ITGA11: variants seen among roughly 807,000 people sequenced by gnomAD.
ITGA11 encodes integrin alpha-11.
A neutral mutation model predicts 141.9 loss-of-function variants in ITGA11; 97 were observed. The ratio of observed to expected loss-of-function variants is 0.68; its 90% CI spans 0.58 to 0.81. The LOEUF (loss-of-function observed/expected upper bound fraction) is 0.81, where lower values mean the gene tolerates loss of function less well. ITGA11 is among the 30% of genes least tolerant of loss of function. The probability of loss-of-function intolerance (pLI) is 0.00; values close to 1 mark genes in which losing one functional copy is unlikely to be tolerated. For missense variants in ITGA11, 1,387 were observed against 1,559.2 expected, an observed-to-expected ratio of 0.89 and a Z score of 1.86; for synonymous variants, 658 against 624.6, an observed-to-expected ratio of 1.05 and a Z score of -0.80.
rs556127046 is a variant in ITGA11 at position 68,351,431 on chromosome 15, T to C, written c.750-29A>G. 9.3e-6 allele frequency: 15 copies of C among 1,611,296 alleles called. No homozygotes were observed. In the East Asian group the frequency reaches 2.9e-4, roughly 31 times the overall value. On this transcript the variant is annotated intron_variant, in intron 7 of 29. Transcript: ENST00000315757. ...GAAGCCAAGCACAGGGGCAGGGTCA[T>C]GAAAGGTAAGTGGGATTGGGGCAGC...
Position 68,344,890 on chromosome 15 carries a change from G to T in ITGA11, c.1131+3940C>A, listed in dbSNP as rs185783386. On this transcript the variant is annotated intron_variant, in intron 10 of 29. Coordinates refer to ENST00000315757, the MANE Select transcript of ITGA11 (RefSeq NM_001004439.2). ...CTGCTTCCTTCTGTAAACTTTTGGA[G>T]TTAGGGCAGATTTAGGATTCCAGTG... Among the ~76,000 whole-genome samples, 32 of 152,262 alleles carry T rather than the reference G, an allele frequency of 2.1e-4. No individual in the cohort carries two copies. In the South Asian group the frequency reaches 3.1e-3, roughly 15 times the overall value.
chr15:68,307,665 T>C lies in ITGA11; in HGVS notation c.3206A>G (p.Asn1069Ser), dbSNP rs760321698. The change falls in exon 27 of 30, where the codon AAC becomes AGC. Residue 1069 changes from asparagine to serine, a missense_variant. Physicochemically the swap from Asn to Ser is conservative, Grantham distance 46. Coordinates refer to ENST00000315757, the MANE Select transcript of ITGA11 (RefSeq NM_001004439.2). This position sits in a 1 kb window ranked among gnomAD's most constrained non-coding sequence, Gnocchi z 6.1. The part of the protein sequence containing the change: ...NHSNSDVVSI[N>S]CNIRLVPNQE... ...GTTGGGGACCAGCCGTATATTGCAG[T>C]TGATGGAGACGACATCAGAGTTGCT... The C allele has an allele frequency of 2.0e-5, 32 of 1,613,720 alleles. No homozygotes were observed. The East Asian group carries it at 6.2e-4, about 31-fold the overall frequency.
In ITGA11 at chr15:68,335,603, C is replaced by T. The variant is rs1462434671; in HGVS notation, c.1425+94G>A. On this transcript the variant is annotated intron_variant, in intron 12 of 29. Transcript: ENST00000315757. The surrounding 1 kb of genome is among the most constrained non-coding windows in gnomAD (Gnocchi z 4.9). ...GAACATGACTGCCCTTTGGGGCACC[C>T]AGTGGTCCAGGCATGCCTGTATTTA... The T allele has an allele frequency of 5.7e-6, 8 of 1,413,106 alleles. No homozygotes were observed. Among genetic ancestry groups the T allele is most frequent in the African/African-American group, 1.4e-5 (1 of 70,628 alleles). 87.5% of individuals were successfully genotyped at this position (1,413,106 alleles called of 1,614,324 possible). A position where few individuals can be genotyped will look rare whatever the true frequency, so the allele number is the denominator to read the frequency against.
chr15:68,341,477 G>C (rs2140317346), intron 10 of ITGA11, among the ~76,000 whole-genome samples: 1 of 152,364 alleles, frequency 6.6e-6, no homozygotes, highest in Admixed American at 6.5e-5. Context: ...AGGGGGAAGG[G>C]ACTTGCCCAA....
chr15:68,332,410 C>A lies in ITGA11; in HGVS notation c.1494G>T (p.Leu498=). The part of the protein sequence containing the change: ...DIDGDGVTDV[L]LVGAPMYFNE... ...TGAAGTACATGGGTGCGCCCACCAG[C>A]AGGACATCAGTCACGCCGTCGCCGT... is the stretch of plus-strand genomic sequence containing the variant. The change falls in exon 13 of 30, where the codon CTG becomes CTT. Residue 498 remains leucine, a synonymous_variant. Coordinates refer to ENST00000315757, the MANE Select transcript of ITGA11 (RefSeq NM_001004439.2). 1.2e-6 allele frequency: 2 copies of A among 1,611,064 alleles called. No homozygotes were observed. The highest frequency in any genetic ancestry group is 1.7e-6 in the Non-Finnish European group (2 of 1,178,802).
intron 2 of ITGA11, among the ~76,000 whole-genome samples, chr15:68,378,472 C>T (rs1895781305): frequency 6.6e-6 from 1 of 151,906 alleles, no homozygotes; most frequent in African/African-American, 2.4e-5. Context: ...TAGCAAGACC[C>T]CATCTATAAA....
chr15:68,372,010 C>T (rs1246649804), intron 2 of ITGA11, among the ~76,000 whole-genome samples: 1 of 152,126 alleles, frequency 6.6e-6, no homozygotes, highest in Non-Finnish European at 1.5e-5. Context: ...CTTACTGTCG[C>T]CATAATATAG....
rs1428506796 is a variant in ITGA11, at chr15:68,321,929, A to G, written c.2323-426T>C. Among the ~76,000 whole-genome samples the G allele has an allele frequency of 6.6e-6, 1 of 152,212 alleles. No individual in the cohort carries two copies. Among genetic ancestry groups the G allele is most frequent in the Non-Finnish European group, 1.5e-5 (1 of 68,038 alleles). ...AAATGTGCAAAAAAACCGAAAAGAAATGTGCATGAGGAATAGAAGAGGCAG... is the reference window on the plus strand; with the variant it reads ...AAATGTGCAAAAAAACCGAAAAGAAGTGTGCATGAGGAATAGAAGAGGCAG... On this transcript the variant is annotated intron_variant, in intron 18 of 29. Transcript: ENST00000315757. This position sits in a 1 kb window ranked among gnomAD's most constrained non-coding sequence, Gnocchi z 4.9.
rs1215758482 is a variant in ITGA11, at chr15:68,312,854, G to T, written c.2892C>A (p.Ser964Arg). Residue 964 changes from serine (S) to arginine (R), a missense_variant, in exon 24 of 30, where the codon AGC becomes AGA. By Grantham distance (110) the Ser-to-Arg change is moderately radical. Transcript: ENST00000315757. ...EADVLFTRSSSLSHYEVKPNS... is the reference protein window; with the variant it reads ...EADVLFTRSSRLSHYEVKPNS... ...TGGGCTTGACCTCGTAGTGGCTCAGGCTGCTGCTCCTGCGGAGACAGAGGA... is the reference window on the plus strand; with the variant it reads ...TGGGCTTGACCTCGTAGTGGCTCAGTCTGCTGCTCCTGCGGAGACAGAGGA... The T allele has an allele frequency of 6.2e-7, 1 of 1,612,842 alleles. No individual in the cohort carries two copies. Among genetic ancestry groups the T allele is most frequent in the Non-Finnish European group, 8.5e-7 (1 of 1,179,014 alleles).
At chr15:68,359,385 C>A (rs1895172321) in intron 5 of ITGA11, among the ~76,000 whole-genome samples, 1 of 152,318 alleles carries the variant, frequency 6.6e-6, no homozygotes, top group African/African-American at 2.4e-5. Context: ...ATGGCTCACA[C>A]CCATAATCCC....
intron 4 of ITGA11, among the ~76,000 whole-genome samples, chr15:68,363,258 AC>A (rs1895308966): frequency 6.6e-6 from 1 of 152,158 alleles, no homozygotes; most frequent in Non-Finnish European, 1.5e-5. Context: ...GGATTAACCT[AC>A]TCACAGAGGC....
At chr15:68,327,408 A>G (rs988098441) in intron 16 of ITGA11, among the ~76,000 whole-genome samples, 3 of 152,098 alleles carry the variant, frequency 2.0e-5, no homozygotes, top group Non-Finnish European at 2.9e-5. Flanking sequence ...CCTCTCAGGG[A>G]CAGAAGTTGA....
Position 68,303,197 on chromosome 15 carries a change from C to T in ITGA11, c.3496-67G>A. ...TGGGCAAGGCCTGCCCCAGCTTTCC[C>T]TCCACTACCTTTCCTTGGGATTCCT... On this transcript the variant is annotated intron_variant, in intron 29 of 29. Transcript: ENST00000315757. This position sits in a 1 kb window ranked among gnomAD's most constrained non-coding sequence, Gnocchi z 5.3. The T allele has an allele frequency of 7.4e-7, 1 of 1,346,106 alleles. No individual in the cohort carries two copies. The highest frequency in any genetic ancestry group is 1.0e-6 in the Non-Finnish European group (1 of 970,664). 83.4% of individuals were successfully genotyped at this position (1,346,106 alleles called of 1,614,324 possible).
At chr15:68,349,043 A>G in intron 9 of ITGA11, 143 bp from the exon 10 acceptor site, 1 of 723,134 alleles carries the variant, frequency 1.4e-6, no homozygotes, top group South Asian at 1.7e-5. Context: ...TCTGAAGCTG[A>G]GGCCAGTAGT....
chr15:68,390,734 C>T (rs1214272824), intron 2 of ITGA11, among the ~76,000 whole-genome samples: 1 of 152,182 alleles, frequency 6.6e-6, no homozygotes, highest in Non-Finnish European at 1.5e-5. Context: ...AAAATATAAT[C>T]GTGTTTTGGG....
chr15:68,414,207 C>G (rs1896837967), intron 1 of ITGA11, among the ~76,000 whole-genome samples: 1 of 152,198 alleles, frequency 6.6e-6, no homozygotes, highest in South Asian at 2.1e-4. Context: ...TAATTCAAAA[C>G]TTGCGGACAC....
In ITGA11 at chr15:68,304,740, C is replaced by G. The variant is rs1040280118; in HGVS notation, c.3382-855G>C. On this transcript the variant is annotated intron_variant, in intron 28 of 29. Coordinates refer to ENST00000315757, the MANE Select transcript of ITGA11 (RefSeq NM_001004439.2). The surrounding 1 kb of genome is among the most constrained non-coding windows in gnomAD (Gnocchi z 6.1). ...CCTGCTCTTTCCAGCTCTTTCTCAC[C>G]TAAGCAAATGGCAGCACTATCCCTC... Among the ~76,000 whole-genome samples, 3 of 152,184 alleles carry G rather than the reference C, an allele frequency of 2.0e-5. No homozygotes were observed. Among genetic ancestry groups the G allele is most frequent in the Non-Finnish European group, 4.4e-5 (3 of 68,022 alleles).
At chr15:68,370,799 G>T (rs116569765) in intron 2 of ITGA11, among the ~76,000 whole-genome samples, 169 of 152,308 alleles carry the variant, frequency 1.1e-3, no homozygotes, top group African/African-American at 3.9e-3. Context: ...GCTTCCCACT[G>T]CCTGGTGACA....
chr15:68,323,464 C>T (rs970923435), intron 18 of ITGA11, among the ~76,000 whole-genome samples: 4 of 152,162 alleles, frequency 2.6e-5, no homozygotes, highest in Non-Finnish European at 4.4e-5. Context: ...TGGGATGGCT[C>T]ACTTCCCCAA....
Sources: gnomAD v4.1 joint callset for allele counts (sites outside exome capture counted in the v4.1 genomes callset) on GRCh38, gnomAD v4.1.1 for gene constraint, Gnocchi (gnomAD v3.1) non-coding constraint, MANE v1.5 for transcripts, NCBI Gene and HGNC (gene_info 2026-07-23, HGNC 2026-07-21) for gene names.